The following NFIC variants were observed in gnomAD, a reference collection of about 807,000 sequenced individuals.
The protein encoded by NFIC is nuclear factor 1 C-type.
NFIC carries 12 observed loss-of-function variants against 54.4 expected under a neutral mutation model. The observed-to-expected ratio is 0.22, with a 90% confidence interval of 0.14 to 0.36. The LOEUF (loss-of-function observed/expected upper bound fraction) is 0.36, where lower values mean the gene tolerates loss of function less well. Ranked by LOEUF, NFIC falls within the 10% of genes least tolerant of loss-of-function variation. The pLI, the probability that NFIC is intolerant of heterozygous loss-of-function variation, is 1.00. For synonymous variants in NFIC, 322 were observed against 319.2 expected, an observed-to-expected ratio of 1.01 and a Z score of -0.09; for missense variants, 575 against 718.2, an observed-to-expected ratio of 0.80 and a Z score of 2.28.
chr19:3,366,546 T>TGGGG (rs1568394588), upstream of NFIC: 22 of 317,318 alleles, frequency 6.9e-5, no homozygotes, highest in South Asian at 3.2e-4. Flanking sequence ...GGGGGGGGGG[T>TGGGG]TGGGGGGGGC....
chr19:3,385,316 G>T (rs1046866909), intron 2 of NFIC, among the ~76,000 whole-genome samples: 6 of 151,922 alleles, frequency 3.9e-5, no homozygotes, highest in African/African-American at 9.7e-5. Flanking sequence ...GTGATGTGGG[G>T]CCAGTCACTC....
intron 2 of NFIC, among the ~76,000 whole-genome samples, chr19:3,408,020 G>A (rs961762667): frequency 6.6e-6 from 1 of 152,182 alleles, no homozygotes; most frequent in African/African-American, 2.4e-5. Flanking sequence ...CCCAGTAGCT[G>A]GGAATTCCAG....
intron 9 of NFIC, chr19:3,454,191 G>C: frequency 1.6e-6 from 2 of 1,246,456 alleles, no homozygotes; most frequent in Non-Finnish European, 1.0e-6. Flanking sequence ...TGCCCGCCGT[G>C]GGCCGTCAGA....
intron 1 of NFIC, among the ~76,000 whole-genome samples, chr19:3,372,712 T>TGGGGGG (rs60871309): frequency 7.9e-6 from 1 of 126,260 alleles, no homozygotes; most frequent in Non-Finnish European, 1.6e-5. Flanking sequence ...AGGAGTGGGG[T>TGGGGGG]GGGGGGGTGC....
At position 3,467,781 on chromosome 19, in the gene NFIC, A is replaced by ATATATATATATATATATG. The variant is rs1244660084; in HGVS notation, c.*5020_*5021insTATATATATGTATATATA. ...TACATATATATATATATATATATAT[A>ATATATATATATATATATG]TATATATAATTTTGGAATTTGTTTC... On this transcript the variant is annotated 3_prime_UTR_variant, in exon 11 of 11. Coordinates refer to ENST00000443272, the MANE Select transcript of NFIC (RefSeq NM_001245002.2). 15 of 135,132 alleles carry ATATATATATATATATATG rather than the reference A, an allele frequency of 1.1e-4. No homozygotes were observed. Among genetic ancestry groups the ATATATATATATATATATG allele is most frequent in the African/African-American group, 4.5e-4 (15 of 33,164 alleles). The allele number at this position is 135,132 out of a possible 1,614,324, so 8.4% of individuals were successfully genotyped here.
At chr19:3,456,390 G>A (rs1035250382) in intron 9 of NFIC, among the ~76,000 whole-genome samples, 160 bp from the exon 10 acceptor site, 1 of 152,198 alleles carries the variant, frequency 6.6e-6, no homozygotes, top group African/African-American at 2.4e-5. Flanking sequence ...GGGGGGCCCG[G>A]TTCAACTGGG....
intron 1 of NFIC, among the ~76,000 whole-genome samples, chr19:3,361,491 T>TCC (rs2080811296): frequency 6.8e-6 from 1 of 146,762 alleles, no homozygotes; most frequent in African/African-American, 2.5e-5. Flanking sequence ...CCCGCCGCTC[T>TCC]CCACCCCCAC....
At chr19:3,361,929 G>C (rs913842575), upstream of NFIC, among the ~76,000 whole-genome samples, 1 of 152,074 alleles carries the variant, frequency 6.6e-6, no homozygotes, top group Non-Finnish European at 1.5e-5. Flanking sequence ...GACTCACATA[G>C]ACACACACAG....
At position 3,458,797 on chromosome 19, in the gene NFIC, C is replaced by G. The variant is rs2082597686; in HGVS notation, c.1509+2162C>G. 6.6e-6 allele frequency among the ~76,000 whole-genome samples: 1 copy of G among 152,054 alleles called. No individual in the cohort carries two copies. The highest frequency in any genetic ancestry group is 2.4e-5 in the African/African-American group (1 of 41,390). On this transcript the variant is annotated intron_variant, in intron 10 of 10. Transcript: ENST00000443272. This position sits in a 1 kb window ranked among gnomAD's most constrained non-coding sequence, Gnocchi z 4.1. ...GAAGGGTTTAGAGGGAGGGAGTGGA[C>G]ACCCACCAGGCCTGGGAGTCAGAAC...
At chr19:3,412,869 G>T (rs80159117) in intron 2 of NFIC, among the ~76,000 whole-genome samples, 8,253 of 152,260 alleles carry the variant, frequency 0.054, 240 homozygotes, top group Middle Eastern at 0.16. Flanking sequence ...CTGAGCGGGA[G>T]GGGCCGGGGT....
intron 2 of NFIC, among the ~76,000 whole-genome samples, chr19:3,396,247 G>A (rs925042971): frequency 2.0e-5 from 3 of 152,054 alleles, no homozygotes; most frequent in African/African-American, 4.8e-5. Context: ...TGAGGTATGC[G>A]GATCACGAGG....
chr19:3,463,553 G>T lies in NFIC; in HGVS notation c.*784G>T, dbSNP rs558387642. On this transcript the variant is annotated 3_prime_UTR_variant, in exon 11 of 11. Coordinates refer to ENST00000443272, the MANE Select transcript of NFIC (RefSeq NM_001245002.2). ...AAAGCGCCGGCCGACTCGCTGTCTC[G>T]CTGGGGACTCTTTCAGCCCTCGCGC... The T allele has an allele frequency of 1.8e-5, 18 of 984,810 alleles. No individual in the cohort carries two copies. The Admixed American group carries it at 3.1e-4, about 17-fold the overall frequency. 61.0% of individuals were successfully genotyped at this position (984,810 alleles called of 1,614,324 possible). A position where few individuals can be genotyped will look rare whatever the true frequency, so the allele number is the denominator to read the frequency against.
At chr19:3,435,988 G>A (rs905422707) in intron 6 of NFIC, among the ~76,000 whole-genome samples, 3 of 151,420 alleles carry the variant, frequency 2.0e-5, no homozygotes, top group Non-Finnish European at 4.4e-5. Flanking sequence ...CACCATGCCC[G>A]GCTAATTTTT....
intron 5 of NFIC, among the ~76,000 whole-genome samples, chr19:3,434,793 CAGG>C (rs987610466): frequency 2.6e-5 from 4 of 152,284 alleles, no homozygotes; most frequent in Admixed American, 2.0e-4. Context: ...TACAGGTGGC[CAGG>C]AGATTAGCCA....
intron 2 of NFIC, among the ~76,000 whole-genome samples, chr19:3,418,967 C>T (rs1236916859): frequency 3.3e-5 from 5 of 152,100 alleles, no homozygotes; most frequent in Admixed American, 6.6e-5. Flanking sequence ...TGAGAAAAGC[C>T]GGACACAGAA....
upstream of NFIC, among the ~76,000 whole-genome samples, chr19:3,362,234 T>TAAGAA (rs543737827): frequency 1.4e-3 from 217 of 152,258 alleles, no homozygotes; most frequent in Non-Finnish European, 2.2e-3. Context: ...TGTGTGCTTG[T>TAAGAA]AAGAGTGTGT....
chr19:3,369,261 T>A lies in NFIC; in HGVS notation c.30+2595T>A, dbSNP rs1008686474. ...CCTCTCTGTCTCTGTTTCTCTCCAA[T>A]ATGTCTGTCTGTCTCTTCATCTCTG... On this transcript the variant is annotated intron_variant, in intron 1 of 10. Coordinates refer to ENST00000443272, the MANE Select transcript of NFIC (RefSeq NM_001245002.2). This position sits in a 1 kb window ranked among gnomAD's most constrained non-coding sequence, Gnocchi z 4.3. Among the ~76,000 whole-genome samples, 2 of 151,660 alleles carry A rather than the reference T, an allele frequency of 1.3e-5. No homozygotes were observed. Among genetic ancestry groups the A allele is most frequent in the African/African-American group, 4.9e-5 (2 of 41,190 alleles).
At position 3,463,492 on chromosome 19, in the gene NFIC, C is replaced by T; in HGVS notation, c.*723C>T. On this transcript the variant is annotated 3_prime_UTR_variant, in exon 11 of 11. Coordinates refer to ENST00000443272, the MANE Select transcript of NFIC (RefSeq NM_001245002.2). Reference sequence around the variant, plus strand: ...GGCACCTGCTGCCCCTCGAGGGGGCCCTGCCTGCCGCGGGGCCTCCCCACA... The same window carrying T: ...GGCACCTGCTGCCCCTCGAGGGGGCTCTGCCTGCCGCGGGGCCTCCCCACA... 1.0e-6 allele frequency: 1 copy of T among 985,306 alleles called. No individual in the cohort carries two copies. Among genetic ancestry groups the T allele is most frequent in the Non-Finnish European group, 1.2e-6 (1 of 829,952 alleles). 61.0% of individuals were successfully genotyped at this position (985,306 alleles called of 1,614,324 possible). A position where few individuals can be genotyped will look rare whatever the true frequency, so the allele number is the denominator to read the frequency against.
At chr19:3,422,408 A>G (rs1054117428) in intron 2 of NFIC, among the ~76,000 whole-genome samples, 6 of 150,976 alleles carry the variant, frequency 4.0e-5, no homozygotes, top group African/African-American at 1.5e-4. Flanking sequence ...TTGCGGATGA[A>G]GAAACTCAGG....
Sources: allele counts gnomAD v4.1 joint callset (sites outside exome capture counted in the v4.1 genomes callset), GRCh38; gene constraint gnomAD v4.1.1; non-coding constraint Gnocchi (gnomAD v3.1); transcripts MANE v1.5; gene names NCBI Gene and HGNC (gene_info 2026-07-23, HGNC 2026-07-21).